Variants in MYO18A observed in about 807,000 individuals in gnomAD.
MYO18A encodes unconventional myosin-XVIIIa.
In MYO18A, 78 loss-of-function variants were observed where a neutral mutation model predicts 235.8. The observed-to-expected ratio is 0.33, with a 90% confidence interval of 0.28 to 0.40. The LOEUF (loss-of-function observed/expected upper bound fraction) is 0.40. Among genes scored for constraint, MYO18A ranks in the 10% least tolerant of loss-of-function variants. The pLI is 1.00. For synonymous variants in MYO18A, 977 were observed against 1,077.8 expected, an observed-to-expected ratio of 0.91 and a Z score of 1.83; for missense variants, 2,215 against 2,699.3, an observed-to-expected ratio of 0.82 and a Z score of 3.98.
chr17:29,119,484 G>A, intron 7 of MYO18A, 49 bp from the exon 8 acceptor site: 1 of 1,419,582 alleles, frequency 7.0e-7, no homozygotes, highest in South Asian at 1.2e-5. Flanking sequence ...GCCAGATCAA[G>A]TTTCTCCCAC....
At chr17:29,156,970 A>G (rs2068077593) in intron 2 of MYO18A, among the ~76,000 whole-genome samples, 1 of 152,220 alleles carries the variant, frequency 6.6e-6, no homozygotes, top group Admixed American at 6.5e-5. Flanking sequence ...CTGTTTTTCC[A>G]CAACACACAG....
rs546572585 is a variant in MYO18A at position 29,120,588 on chromosome 17, T to C, written c.1728+28A>G. On this transcript the variant is annotated intron_variant, in intron 7 of 41. Transcript: ENST00000527372. This position sits in a 1 kb window ranked among gnomAD's most constrained non-coding sequence, Gnocchi z 4.2. ...TGAAATCATGTGGCCTGTGTCCTAC[T>C]ACCCCGAGTCCTGGGCAGCACTCTC... 35 of 1,605,722 alleles carry C rather than the reference T, an allele frequency of 2.2e-5. No individual in the cohort carries two copies. Among genetic ancestry groups the C allele is most frequent in the Non-Finnish European group, 2.7e-5 (32 of 1,175,758 alleles).
At chr17:29,128,959 TG>T in intron 2 of MYO18A, 1 of 1,008,534 alleles carries the variant, frequency 9.9e-7, no homozygotes, top group Non-Finnish European at 1.4e-6. Context: ...AGATGGAGCA[TG>T]GACACAGCAG....
At chr17:29,104,251 AC>A (rs1485353626) in intron 20 of MYO18A, among the ~76,000 whole-genome samples, 1 of 152,098 alleles carries the variant, frequency 6.6e-6, no homozygotes, top group Non-Finnish European at 1.5e-5. Flanking sequence ...ATGGAGACCC[AC>A]CCCACTTAGG....
intron 37 of MYO18A, among the ~76,000 whole-genome samples, chr17:29,088,190 G>A (rs1374062080): frequency 6.6e-6 from 1 of 151,788 alleles, no homozygotes; most frequent in Non-Finnish European, 1.5e-5. Context: ...GAGTAGCTGG[G>A]ACTACAGGCG....
Position 29,111,476 on chromosome 17 carries a change from T to C in MYO18A, c.2848A>G (p.Lys950Glu). 1 of 1,612,468 alleles carries C rather than the reference T, an allele frequency of 6.2e-7. No individual in the cohort carries two copies. The highest frequency in any genetic ancestry group is 8.5e-7 in the Non-Finnish European group (1 of 1,179,352). Residue 950 changes from lysine (K) to glutamate (E), a missense_variant, in exon 17 of 42, where the codon AAG (lysine) becomes GAG (glutamate). Lys to Glu is a moderately conservative substitution (Grantham distance 56). Transcript: ENST00000527372. The surrounding 1 kb of genome is among the most constrained non-coding windows in gnomAD (Gnocchi z 5.1). ...YNVTGWLNYT[K>E]QNPATQNAPR... ...GCATTCTGGGTGGCTGGGTTCTGCT[T>C]GGTGTAGTTCAGCCAGCCAGTCACA...
chr17:29,090,411 C>G, intron 36 of MYO18A, 121 bp downstream of exon 36: 1 of 878,866 alleles, frequency 1.1e-6, no homozygotes, highest in Non-Finnish European at 1.8e-6. Flanking sequence ...TCCTCATTTA[C>G]GCTGCTCTGT....
At chr17:29,123,678 C>T (rs1295791627) in intron 2 of MYO18A, among the ~76,000 whole-genome samples, 1 of 152,208 alleles carries the variant, frequency 6.6e-6, no homozygotes, top group African/African-American at 2.4e-5. Flanking sequence ...GGAGGATCAC[C>T]ACGTGGCTGG....
At chr17:29,160,812 C>T (rs1428957181) in intron 2 of MYO18A, among the ~76,000 whole-genome samples, 3 of 152,238 alleles carry the variant, frequency 2.0e-5, no homozygotes, top group Non-Finnish European at 4.4e-5. Flanking sequence ...CTCCAACTAG[C>T]AGCCTCACGG....
rs2152824374 is a variant in MYO18A, at chr17:29,111,053, GT to G, written c.2900+370del. On this transcript the variant is annotated intron_variant, in intron 17 of 41. Coordinates refer to ENST00000527372, the MANE Select transcript of MYO18A (RefSeq NM_078471.4). This position sits in a 1 kb window ranked among gnomAD's most constrained non-coding sequence, Gnocchi z 5.1. ...CCACAAGGGCAGGGAGTTCAGTTTT[GT>G]TTACTATTATCTGCCAAGCACCTAG... 6.6e-6 allele frequency among the ~76,000 whole-genome samples: 1 copy of G among 152,310 alleles called. No individual in the cohort carries two copies. Among genetic ancestry groups the G allele is most frequent in the African/African-American group, 2.4e-5 (1 of 41,560 alleles).
chr17:29,147,741 T>G (rs1028597585), intron 2 of MYO18A, among the ~76,000 whole-genome samples: 2 of 150,888 alleles, frequency 1.3e-5, no homozygotes, highest in African/African-American at 4.9e-5. Context: ...TACAAAAAAT[T>G]TAAAAATTAG....
intron 14 of MYO18A, among the ~76,000 whole-genome samples, chr17:29,114,425 C>T (rs1248995920): frequency 6.6e-6 from 1 of 152,238 alleles, no homozygotes; most frequent in Non-Finnish European, 1.5e-5. Flanking sequence ...CATTTTCCTT[C>T]TGAATCCTCT....
chr17:29,169,396 A>C lies in MYO18A; in HGVS notation c.-81-2375T>G, dbSNP rs548754568. On this transcript the variant is annotated intron_variant, in intron 1 of 41. Coordinates refer to ENST00000527372, the MANE Select transcript of MYO18A (RefSeq NM_078471.4). ...GCTACATGCACAGTACCTGGGAGTT[A>C]GAAAACAGGAAATCTAGGGCCCAAA... Among the ~76,000 whole-genome samples, 20 of 152,246 alleles carry C rather than the reference A, an allele frequency of 1.3e-4. No homozygotes were observed. In the South Asian group the frequency reaches 3.7e-3, roughly 28 times the overall value.
rs763255566 is a variant in MYO18A, at chr17:29,092,390, C to T, written c.5140G>A (p.Glu1714Lys). The change falls in exon 34 of 42, where the codon GAA becomes AAA. Residue 1714 changes from glutamate to lysine, a missense_variant. By Grantham distance (56) the Glu-to-Lys change is moderately conservative (BLOSUM62 1). Transcript: ENST00000527372. ...KARKAMEVEI[E>K]DLHLQIDDIA... ...TCATCAATCTGCAGGTGCAGGTCTTCGATCTCCACCTCCATTGCTTTCCGT... is the reference window on the plus strand; with the variant it reads ...TCATCAATCTGCAGGTGCAGGTCTTTGATCTCCACCTCCATTGCTTTCCGT... The T allele has an allele frequency of 3.1e-5, 50 of 1,612,362 alleles. No homozygotes were observed. The highest frequency in any genetic ancestry group is 1.6e-4 in the Middle Eastern group (1 of 6,062).
chr17:29,121,119 G>A lies in MYO18A; in HGVS notation c.1464C>T (p.Ser488=). 6.2e-7 allele frequency: 1 copy of A among 1,611,692 alleles called. No individual in the cohort carries two copies. Among genetic ancestry groups the A allele is most frequent in the South Asian group, 1.1e-5 (1 of 90,434 alleles). Residue 488 remains serine, a synonymous_variant, in exon 6 of 42, where the codon AGC becomes AGT. Transcript: ENST00000527372. The surrounding 1 kb of genome is among the most constrained non-coding windows in gnomAD (Gnocchi z 4.2). The stretch of plus-strand genomic sequence containing the variant: ...GGAGGATGATTGACTGATCCTGACG[G>A]CTCATCAGCATCGCCCTGTATGCGG... ...AQTAYRAMLM[S]RQDQSIILLG...
intron 2 of MYO18A, among the ~76,000 whole-genome samples, chr17:29,161,953 C>T (rs933780958): frequency 6.6e-6 from 1 of 152,230 alleles, no homozygotes; most frequent in African/African-American, 2.4e-5. Flanking sequence ...CAGATGCCCC[C>T]CAAGAACTTT....
intron 36 of MYO18A, 73 bp from the exon 37 acceptor site, chr17:29,090,171 A>G: frequency 1.3e-6 from 2 of 1,517,124 alleles, no homozygotes; most frequent in South Asian, 1.2e-5. Flanking sequence ...GGGGCAGGCA[A>G]TATCACCACA....
intron 2 of MYO18A, among the ~76,000 whole-genome samples, chr17:29,160,742 C>T (rs954370675): frequency 6.6e-6 from 1 of 152,226 alleles, no homozygotes; most frequent in Non-Finnish European, 1.5e-5. Context: ...ATGGCAACCT[C>T]ATGAGGAACC....
chr17:29,094,996 C>T lies in MYO18A; in HGVS notation c.4449G>A (p.Lys1483=). 6.3e-7 allele frequency: 1 copy of T among 1,591,810 alleles called. No individual in the cohort carries two copies. The highest frequency in any genetic ancestry group is 1.3e-5 in the African/African-American group (1 of 74,558). The change falls in exon 29 of 42, where the codon AAG becomes AAA. Residue 1483 remains lysine, a synonymous_variant. Transcript: ENST00000527372. ...GGAGCATGTCCTTCTCCCGCTGCAG[C>T]TTCTCCCGCTGCAGCTTCTCCCGCT... ...EAQREKLQRE[K]LQREKDMLLA...
Sources: gnomAD v4.1 joint callset for allele counts (sites outside exome capture counted in the v4.1 genomes callset) on GRCh38, gnomAD v4.1.1 for gene constraint, Gnocchi (gnomAD v3.1) non-coding constraint, MANE v1.5 for transcripts, NCBI Gene and HGNC (gene_info 2026-07-23, HGNC 2026-07-21) for gene names.